Variants in ZDHHC14 observed in about 807,000 individuals in gnomAD.
The protein encoded by ZDHHC14 is palmitoyltransferase ZDHHC14.
In ZDHHC14, 16 loss-of-function variants were observed where a neutral mutation model predicts 47.7. The ratio of observed to expected loss-of-function variants is 0.34; its 90% CI spans 0.23 to 0.51. The LOEUF (loss-of-function observed/expected upper bound fraction) is 0.51. ZDHHC14 is among the 20% of genes least tolerant of loss of function. The pLI is 0.97. For missense variants in ZDHHC14, 515 were observed against 662.5 expected, an observed-to-expected ratio of 0.78 and a Z score of 2.44; for synonymous variants, 293 against 278.9, an observed-to-expected ratio of 1.05 and a Z score of -0.50.
At chr6:157,473,621 C>T (rs1408820673) in intron 1 of ZDHHC14, among the ~76,000 whole-genome samples, 1 of 152,138 alleles carries the variant, frequency 6.6e-6, no homozygotes, top group Non-Finnish European at 1.5e-5. Context: ...ACTGGTTGAG[C>T]ATTCCTAATC....
intron 2 of ZDHHC14, among the ~76,000 whole-genome samples, chr6:157,553,971 T>C (rs758366007): frequency 1.3e-5 from 2 of 152,214 alleles, no homozygotes; most frequent in Non-Finnish European, 2.9e-5. Flanking sequence ...AAATTCCCCA[T>C]AATTTTCATC....
At chr6:157,596,732 G>A (rs1784149432) in intron 3 of ZDHHC14, among the ~76,000 whole-genome samples, 1 of 152,000 alleles carries the variant, frequency 6.6e-6, no homozygotes, top group Non-Finnish European at 1.5e-5. Context: ...CTACCCCCTC[G>A]GTTTCTTTTG....
intron 3 of ZDHHC14, among the ~76,000 whole-genome samples, chr6:157,613,687 G>A (rs1354289025): frequency 6.6e-6 from 1 of 152,144 alleles, no homozygotes; most frequent in African/African-American, 2.4e-5. Flanking sequence ...GCAGTAGGCA[G>A]CCCATCCATC....
intron 1 of ZDHHC14, among the ~76,000 whole-genome samples, chr6:157,423,817 C>T (rs1778157737): frequency 6.6e-6 from 1 of 152,192 alleles, no homozygotes; most frequent in Non-Finnish European, 1.5e-5. Flanking sequence ...TGGAGGATGG[C>T]ATCGTGTAGG....
At chr6:157,633,553 G>A (rs1262304664) in intron 5 of ZDHHC14, among the ~76,000 whole-genome samples, 1 of 152,116 alleles carries the variant, frequency 6.6e-6, no homozygotes, top group Non-Finnish European at 1.5e-5. Flanking sequence ...ATACAGATGG[G>A]ACCCCCTGAT....
intron 1 of ZDHHC14, among the ~76,000 whole-genome samples, chr6:157,411,169 G>A (rs959777030): frequency 6.6e-6 from 1 of 152,108 alleles, no homozygotes; most frequent in Non-Finnish European, 1.5e-5. Context: ...GAGGTGGTAG[G>A]GGTAGTGATG....
chr6:157,479,207 T>C (rs372069641), intron 1 of ZDHHC14, among the ~76,000 whole-genome samples: 13 of 152,196 alleles, frequency 8.5e-5, no homozygotes, highest in African/African-American at 3.1e-4. Context: ...GTGCCCCCAG[T>C]TATGGGAAAT....
intron 4 of ZDHHC14, among the ~76,000 whole-genome samples, chr6:157,629,110 G>A (rs1271337): frequency 6.6e-6 from 1 of 152,228 alleles, no homozygotes; most frequent in Non-Finnish European, 1.5e-5. Flanking sequence ...TTAAAAATTA[G>A]ATTTGGAAAT....
At chr6:157,493,324 G>A (rs1196641304) in intron 1 of ZDHHC14, among the ~76,000 whole-genome samples, 6 of 152,264 alleles carry the variant, frequency 3.9e-5, no homozygotes, top group South Asian at 2.1e-4. Flanking sequence ...GCCACCGCAA[G>A]GGCGAGCGGG....
At chr6:157,407,192 T>C (rs1042089898) in intron 1 of ZDHHC14, among the ~76,000 whole-genome samples, 6 of 152,134 alleles carry the variant, frequency 3.9e-5, no homozygotes, top group Non-Finnish European at 7.3e-5. Context: ...GCAGCAGAAC[T>C]GAGATACGGA....
At chr6:157,576,037 G>C (rs147549443) in intron 2 of ZDHHC14, among the ~76,000 whole-genome samples, 3 of 152,166 alleles carry the variant, frequency 2.0e-5, no homozygotes, top group African/African-American at 7.2e-5. Flanking sequence ...TGCTCCTCCT[G>C]TGATGGGTAG....
chr6:157,491,282 C>T (rs1418899382), intron 1 of ZDHHC14, among the ~76,000 whole-genome samples: 3 of 152,190 alleles, frequency 2.0e-5, no homozygotes, highest in African/African-American at 7.2e-5. Flanking sequence ...TTTCCCTTTC[C>T]CTTTTCTTCT....
chr6:157,466,609 G>T (rs1189585392), intron 1 of ZDHHC14, among the ~76,000 whole-genome samples: 1 of 152,174 alleles, frequency 6.6e-6, no homozygotes, highest in African/African-American at 2.4e-5. Context: ...TGACCAAGGT[G>T]GGCGGATCAC....
chr6:157,500,128 G>C (rs1780162858), intron 1 of ZDHHC14, among the ~76,000 whole-genome samples: 1 of 152,218 alleles, frequency 6.6e-6, no homozygotes, highest in African/African-American at 2.4e-5. Flanking sequence ...TATATTTGAA[G>C]AGGTGACACT....
chr6:157,401,516 C>T (rs1047934272), intron 1 of ZDHHC14, among the ~76,000 whole-genome samples: 2 of 148,398 alleles, frequency 1.3e-5, no homozygotes, highest in Non-Finnish European at 2.9e-5. Flanking sequence ...GAGATGCGCT[C>T]CTGCTGAGGT....
intron 1 of ZDHHC14, among the ~76,000 whole-genome samples, chr6:157,512,650 C>A (rs1780536201): frequency 6.6e-6 from 1 of 151,974 alleles, no homozygotes; most frequent in Non-Finnish European, 1.5e-5. Flanking sequence ...CAAGACCTGC[C>A]TGGGCAACAT....
chr6:157,485,679 GA>G (rs1221278750), intron 1 of ZDHHC14, among the ~76,000 whole-genome samples: 1 of 119,262 alleles, frequency 8.4e-6, no homozygotes, highest in Non-Finnish European at 1.8e-5. Context: ...CCCTATTTCT[GA>G]TTTTTTTTTT....
chr6:157,484,399 C>CAT (rs952887659), intron 1 of ZDHHC14, among the ~76,000 whole-genome samples: 10 of 142,938 alleles, frequency 7.0e-5, no homozygotes, highest in African/African-American at 1.6e-4. Context: ...CGTATATATA[C>CAT]ATATATATGT....
chr6:157,417,064 G>A (rs980362499), intron 1 of ZDHHC14, among the ~76,000 whole-genome samples: 8 of 135,076 alleles, frequency 5.9e-5, no homozygotes, highest in Non-Finnish European at 1.1e-4. Flanking sequence ...TCCTGACCTC[G>A]TGATCTTCCT....
Sources: gnomAD v4.1 joint callset for allele counts (sites outside exome capture counted in the v4.1 genomes callset) on GRCh38, gnomAD v4.1.1 for gene constraint, MANE v1.5 for transcripts, NCBI Gene and HGNC (gene_info 2026-07-23, HGNC 2026-07-21) for gene names.